The following ITPK1 variants were observed in gnomAD, a reference collection of about 807,000 sequenced individuals.
The protein encoded by ITPK1 is inositol 1,3,4-trisphosphate 5/6-kinase.
In ITPK1, 21 loss-of-function variants were observed where a neutral mutation model predicts 45.3. The ratio of observed to expected loss-of-function variants is 0.46; its 90% confidence interval spans 0.33 to 0.67. The LOEUF (loss-of-function observed/expected upper bound fraction) is 0.67, where lower values mean the gene tolerates loss of function less well. Ranked by LOEUF, ITPK1 falls within the 30% of genes least tolerant of loss-of-function variation. The pLI is 0.02. For missense variants in ITPK1, 474 were observed against 573.5 expected, an observed-to-expected ratio of 0.83 and a Z score of 1.77; for synonymous variants, 258 against 253.6, an observed-to-expected ratio of 1.02 and a Z score of -0.16.
At chr14:93,062,345 G>A (rs541152136) in intron 3 of ITPK1, among the ~76,000 whole-genome samples, 1 of 152,100 alleles carries the variant, frequency 6.6e-6, no homozygotes, top group East Asian at 1.9e-4. Context: ...TGGGAGGATT[G>A]CTTGAGCCCA....
chr14:92,959,379 G>A (rs887098143), intron 7 of ITPK1, among the ~76,000 whole-genome samples: 3 of 152,270 alleles, frequency 2.0e-5, no homozygotes, highest in African/African-American at 4.8e-5. Flanking sequence ...GCCACCCCTT[G>A]TGTCAGCTGT....
At position 93,076,499 on chromosome 14, in the gene ITPK1, G is replaced by A. The variant is rs1891223529; in HGVS notation, c.120+96C>T. ...AAGCTGCACGTGAAGAAGAGAGAAA[G>A]CCGTGCCCAATGCTGGAGGAGAGAA... On this transcript the variant is annotated intron_variant, in intron 3 of 10. Coordinates refer to ENST00000267615, the MANE Select transcript of ITPK1 (RefSeq NM_014216.6). This position sits in a 1 kb window ranked among gnomAD's most constrained non-coding sequence, Gnocchi z 4.3. 1 of 1,369,266 alleles carries A rather than the reference G, an allele frequency of 7.3e-7. No homozygotes were observed. Among genetic ancestry groups the A allele is most frequent in the Non-Finnish European group, 1.0e-6 (1 of 963,594 alleles). The allele number at this position is 1,369,266 out of a possible 1,614,324, so 84.8% of individuals were successfully genotyped here. A position where few individuals can be genotyped will look rare whatever the true frequency, so the allele number is the denominator to read the frequency against.
intron 5 of ITPK1, among the ~76,000 whole-genome samples, chr14:92,993,027 C>T (rs944582930): frequency 7.2e-5 from 11 of 152,330 alleles, no homozygotes; most frequent in Non-Finnish European, 7.3e-5. Flanking sequence ...CTGGTCCCAC[C>T]GGTCACCATC....
chr14:92,973,211 A>C (rs1031947318), intron 5 of ITPK1, among the ~76,000 whole-genome samples: 1 of 152,242 alleles, frequency 6.6e-6, no homozygotes, highest in Non-Finnish European at 1.5e-5. Context: ...CTGATTCAGT[A>C]ACTAGGCAGT....
rs551542288 is a variant in ITPK1, at chr14:93,098,408, G to A, written c.95+16661C>T. Among the ~76,000 whole-genome samples, 40 of 151,158 alleles carry A rather than the reference G, an allele frequency of 2.6e-4. No individual in the cohort carries two copies. The South Asian group carries it at 7.7e-3, about 29-fold the overall frequency. On this transcript the variant is annotated intron_variant, in intron 2 of 10. Transcript: ENST00000267615. ...GGAGGCGGAGCTTGTAGTGAGCCGA[G>A]ATCACGCTGCCGCACTCCAACCTGG...
chr14:92,957,322 G>C (rs1884791111), intron 8 of ITPK1, among the ~76,000 whole-genome samples: 1 of 152,232 alleles, frequency 6.6e-6, no homozygotes, highest in Non-Finnish European at 1.5e-5. Flanking sequence ...GGGTCCTCCT[G>C]GAAAGCTACT....
chr14:93,048,677 G>C (rs565529582), intron 3 of ITPK1, among the ~76,000 whole-genome samples: 3 of 152,200 alleles, frequency 2.0e-5, no homozygotes, highest in African/African-American at 4.8e-5. Context: ...AGCTGGGCGC[G>C]GTGGCTCACG....
Position 93,036,693 on chromosome 14 carries a change from C to T in ITPK1, c.121-19892G>A, listed in dbSNP as rs1034095258. On this transcript the variant is annotated intron_variant, in intron 3 of 10. Transcript: ENST00000267615. The surrounding 1 kb of genome is among the most constrained non-coding windows in gnomAD (Gnocchi z 4.1). ...GCCCCTATTCTCTGGGCTCTGGGAT[C>T]GTTACCAACAACCCGCACCGCATTC... is the stretch of plus-strand genomic sequence containing the variant. Among the ~76,000 whole-genome samples the T allele has an allele frequency of 6.6e-6, 1 of 152,126 alleles. No homozygotes were observed. The highest frequency in any genetic ancestry group is 2.4e-5 in the African/African-American group (1 of 41,406).
intron 8 of ITPK1, among the ~76,000 whole-genome samples, chr14:92,957,983 T>A (rs964758543): frequency 6.6e-6 from 1 of 152,022 alleles, no homozygotes; most frequent in African/African-American, 2.4e-5. Context: ...TTCAGGTGGG[T>A]GGGGCCCCCT....
chr14:92,967,501 T>C (rs1308810732), intron 5 of ITPK1, among the ~76,000 whole-genome samples: 1 of 152,134 alleles, frequency 6.6e-6, no homozygotes, highest in Non-Finnish European at 1.5e-5. Flanking sequence ...TGGGAAACAG[T>C]CTGGCAGTTT....
At chr14:92,973,299 TGATG>T (rs1440711699) in intron 5 of ITPK1, among the ~76,000 whole-genome samples, 2 of 152,132 alleles carry the variant, frequency 1.3e-5, no homozygotes, top group Non-Finnish European at 2.9e-5. Context: ...GAAGATAAGT[TGATG>T]GATGGGATAA....
At chr14:92,979,604 A>C (rs560559707) in intron 5 of ITPK1, among the ~76,000 whole-genome samples, 1 of 152,200 alleles carries the variant, frequency 6.6e-6, no homozygotes, top group South Asian at 2.1e-4. Flanking sequence ...TTCTCATGAA[A>C]TCTAGCATGT....
At chr14:92,998,315 G>A (rs958629583) in intron 4 of ITPK1, among the ~76,000 whole-genome samples, 3 of 152,172 alleles carry the variant, frequency 2.0e-5, no homozygotes, top group East Asian at 1.9e-4. Context: ...CTGTGCAGCC[G>A]ACCCCAGAGG....
chr14:92,961,197 C>T (rs1193677953), intron 7 of ITPK1, among the ~76,000 whole-genome samples: 2 of 152,234 alleles, frequency 1.3e-5, no homozygotes, highest in South Asian at 4.1e-4. Flanking sequence ...CAGCATACCC[C>T]AACATGTGCC....
intron 5 of ITPK1, among the ~76,000 whole-genome samples, chr14:92,987,905 G>A (rs763347577): frequency 6.6e-6 from 1 of 152,172 alleles, no homozygotes; most frequent in Non-Finnish European, 1.5e-5. Context: ...CTCAGACCAG[G>A]GCTAGCCTTG....
chr14:93,100,565 A>G (rs189213190), intron 2 of ITPK1, among the ~76,000 whole-genome samples: 1 of 145,966 alleles, frequency 6.9e-6, no homozygotes, highest in Non-Finnish European at 1.5e-5. Flanking sequence ...AGACAGAGAG[A>G]GAGAGAGACA....
At chr14:92,993,808 C>G in intron 5 of ITPK1, 72 bp downstream of exon 5, 2 of 948,876 alleles carry the variant, frequency 2.1e-6, no homozygotes, top group South Asian at 2.6e-5. Flanking sequence ...GTCTCCACAC[C>G]TCAGGCCGTG....
chr14:92,940,402 T>C lies in ITPK1; in HGVS notation c.*1159A>G, dbSNP rs1243797489. 1 of 1,026,792 alleles carries C rather than the reference T, an allele frequency of 9.7e-7. No homozygotes were observed. The highest frequency in any genetic ancestry group is 1.2e-6 in the Non-Finnish European group (1 of 854,102). 63.6% of individuals were successfully genotyped at this position (1,026,792 alleles called of 1,614,324 possible). On this transcript the variant is annotated 3_prime_UTR_variant, in exon 11 of 11. Transcript: ENST00000267615. ...GGGGTCAGACGGCAGAGCCAGTGCT[T>C]TGCTGCCAAGGTGATGGGGTGAGTC...
intron 2 of ITPK1, among the ~76,000 whole-genome samples, chr14:93,093,629 G>A (rs1229014264): frequency 3.3e-5 from 5 of 152,226 alleles, no homozygotes; most frequent in African/African-American, 1.2e-4. Context: ...CGTGGATACA[G>A]AGGGCGTGGC....
Sources: allele counts gnomAD v4.1 joint callset (sites outside exome capture counted in the v4.1 genomes callset), GRCh38; gene constraint gnomAD v4.1.1; non-coding constraint Gnocchi (gnomAD v3.1); transcripts MANE v1.5; gene names NCBI Gene and HGNC (gene_info 2026-07-23, HGNC 2026-07-21).